Variants in ZDHHC24 observed in about 807,000 individuals in gnomAD.
The protein encoded by ZDHHC24 is probable palmitoyltransferase ZDHHC24.
ZDHHC24 carries 17 observed loss-of-function variants against 23.2 expected under a neutral mutation model. The observed-to-expected ratio is 0.73, with a 90% confidence interval of 0.50 to 1.10. ZDHHC24 has a LOEUF of 1.10. Among genes scored for constraint, ZDHHC24 ranks in the 50% least tolerant of loss-of-function variants. ZDHHC24 has a pLI of 0.00. For missense variants in ZDHHC24, 366 were observed against 393.0 expected (o/e 0.93, Z 0.58); for synonymous variants, 186 against 194.5 (o/e 0.96, Z 0.36).
exon 5 of ZDHHC24, chr11:66,521,177 TTAGAC>T: frequency 1.0e-6 from 1 of 955,208 alleles, no homozygotes; most frequent in Non-Finnish European, 1.7e-6. Flanking sequence ...GATTGGGACT[TTAGAC>T]CAGGCACTCA....
chr11:66,522,571 C>T (rs1374174709), intron 4 of ZDHHC24, among the ~76,000 whole-genome samples: 1 of 152,080 alleles, frequency 6.6e-6, no homozygotes, highest in Non-Finnish European at 1.5e-5. Flanking sequence ...TGGTCTCGAA[C>T]GCCTGACCTT....
intron 4 of ZDHHC24, chr11:66,526,122 G>A (rs766464783): frequency 1.2e-6 from 2 of 1,614,134 alleles, no homozygotes; most frequent in Non-Finnish European, 8.5e-7. Context: ...TCTCCACATA[G>A]GATGCAGTGA....
Position 66,546,041 on chromosome 11 carries a change from C to T in ZDHHC24, c.-38G>A. On this transcript the variant is annotated 5_prime_UTR_variant, in exon 1 of 3. Transcript: ENST00000310442. ...CAGCTGTCGGAGCCGGAGGACTAGG[C>T]CGCTTCCGTATTGGGGCGGAGATAG... The T allele has an allele frequency of 7.3e-7, 1 of 1,370,378 alleles. No homozygotes were observed. Among genetic ancestry groups the T allele is most frequent in the Admixed American group, 3.8e-5 (1 of 26,266 alleles). The allele number at this position is 1,370,378 out of a possible 1,614,324, so 84.9% of individuals were successfully genotyped here.
chr11:66,526,571 G>C (rs1856503462), intron 4 of ZDHHC24: 2 of 1,592,816 alleles, frequency 1.3e-6, no homozygotes, highest in Admixed American at 1.7e-5. Context: ...ATAGGAGGCA[G>C]ATTGTTTGGG....
chr11:66,526,677 G>T (rs750005712), intron 4 of ZDHHC24: 1 of 1,614,218 alleles, frequency 6.2e-7, no homozygotes, highest in East Asian at 2.2e-5. Context: ...AGATCCTGAA[G>T]CGTACAGCAG....
In ZDHHC24 at chr11:66,526,806, C is replaced by A. The variant is rs368302072; in HGVS notation, c.*21+130G>T. 3 of 1,614,220 alleles carry A rather than the reference C, an allele frequency of 1.9e-6. No individual in the cohort carries two copies. In the South Asian group the frequency reaches 3.3e-5, roughly 18 times the overall value. ...CACTGCGAGAGCGGGAGGCTGGCAC[C>A]GGTGAGCCTCAGACTGGGTCCTTTC... is the stretch of plus-strand genomic sequence containing the variant. On this transcript the variant is annotated intron_variant, in intron 4 of 4. Transcript: ENST00000526986.
intron 4 of ZDHHC24, chr11:66,526,051 C>T (rs1856474150): frequency 3.6e-6 from 5 of 1,400,800 alleles, no homozygotes; most frequent in Non-Finnish European, 5.1e-6. Flanking sequence ...TCTGGGGCCT[C>T]CCCTACCCAT....
intron 4 of ZDHHC24, among the ~76,000 whole-genome samples, chr11:66,524,479 A>C (rs1221392450): frequency 6.7e-6 from 1 of 149,610 alleles, no homozygotes; most frequent in Non-Finnish European, 1.5e-5. Flanking sequence ...CTGAGTGACA[A>C]GGGTGGGGGG....
exon 5 of ZDHHC24, chr11:66,521,166 AG>A (rs1398577683): frequency 1.2e-6 from 1 of 851,304 alleles, no homozygotes; most frequent in Non-Finnish European, 2.0e-6. Flanking sequence ...GTAAGTGAGG[AG>A]ATTGGGACTT....
downstream of ZDHHC24, chr11:66,533,271 A>C (rs1856855600): frequency 6.6e-6 from 1 of 152,182 alleles, no homozygotes; most frequent in African/African-American, 2.4e-5. Flanking sequence ...AAAAACACAT[A>C]CCCACTTACT....
rs149866850 is a variant in ZDHHC24 at position 66,539,730 on chromosome 11, C to T, written c.654G>A (p.Gly218=). 3.4e-4 allele frequency: 547 copies of T among 1,613,110 alleles called. 1 individual carries two copies. In the African/African-American group the frequency reaches 6.4e-3, roughly 19 times the overall value. The change falls in exon 3 of 3, where the codon GGG becomes GGA. Residue 218 remains glycine (G), a synonymous_variant. Coordinates refer to ENST00000310442, the MANE Select transcript of ZDHHC24 (RefSeq NM_207340.3). Reference sequence around the variant, plus strand: ...TGGTCTGGCCCCGCAGCAGCAGCATCCCATGGAAGAGCAGCCCAGCCCCGC... The same window carrying T: ...TGGTCTGGCCCCGCAGCAGCAGCATTCCATGGAAGAGCAGCCCAGCCCCGC... The part of the protein sequence containing the change: ...LLCGAGLLFH[G]MLLLRGQTTW...
chr11:66,537,926 C>CA lies in ZDHHC24; in HGVS notation c.*1602dup, dbSNP rs145915582. On this transcript the variant is annotated 3_prime_UTR_variant, in exon 3 of 3. Coordinates refer to ENST00000310442, the MANE Select transcript of ZDHHC24 (RefSeq NM_207340.3). ...CTGGCAACAGAACAAGAGTCTGTCT[C>CA]AAATAAAATAAAATAAAATAAAATA... 1.4e-5 allele frequency: 2 copies of CA among 140,068 alleles called. No individual in the cohort carries two copies. Among genetic ancestry groups the CA allele is most frequent in the Admixed American group, 7.1e-5 (1 of 14,004 alleles). 8.7% of individuals were successfully genotyped at this position (140,068 alleles called of 1,614,324 possible).
At chr11:66,524,071 G>A in intron 4 of ZDHHC24, 1 of 817,460 alleles carries the variant, frequency 1.2e-6, no homozygotes, top group East Asian at 2.7e-5. Context: ...CCTGAGGTAA[G>A]GAGTTCAAAA....
intron 4 of ZDHHC24, among the ~76,000 whole-genome samples, chr11:66,524,552 C>G (rs1482539120): frequency 6.6e-6 from 1 of 152,084 alleles, no homozygotes; most frequent in African/African-American, 2.4e-5. Context: ...TCAACTGGGC[C>G]TCAGAACAGT....
Position 66,545,762 on chromosome 11 carries a change from C to A in ZDHHC24, c.242G>T (p.Gly81Val). 6.3e-7 allele frequency: 1 copy of A among 1,589,996 alleles called. No homozygotes were observed. Among genetic ancestry groups the A allele is most frequent in the Non-Finnish European group, 8.5e-7 (1 of 1,173,512 alleles). The change falls in exon 1 of 3, where the codon GGC (glycine) becomes GTC (valine). Residue 81 changes from glycine to valine, a missense_variant. By Grantham distance (109) the Gly-to-Val change is moderately radical. Transcript: ENST00000310442. The surrounding 1 kb of genome is among the most constrained non-coding windows in gnomAD (Gnocchi z 4.5). ...CAGACCGCGGCCGGCCAGCATCACG[C>A]CACGGATGCTGGGATCCGAGCGCAG... is the stretch of plus-strand genomic sequence containing the variant. ...LFLRSDPSIRGVMLAGRGLGQ... is the reference protein window; with the variant it reads ...LFLRSDPSIRVVMLAGRGLGQ...
intron 3 of ZDHHC24, chr11:66,527,814 G>A (rs1482280676): frequency 6.6e-6 from 1 of 152,296 alleles, no homozygotes; most frequent in African/African-American, 2.4e-5. Flanking sequence ...ACTTCTGCCT[G>A]GGAAGCTTGG....
At chr11:66,534,240 C>T (rs10444360), downstream of ZDHHC24, among the ~76,000 whole-genome samples, 774 of 145,248 alleles carry the variant, frequency 5.3e-3, 3 homozygotes, top group Non-Finnish European at 7.7e-3. Context: ...GCCAGGAGTT[C>T]GAGACCAGCC....
chr11:66,539,467 T>C lies in ZDHHC24; in HGVS notation c.*62A>G. The C allele has an allele frequency of 6.8e-7, 1 of 1,469,874 alleles. No individual in the cohort carries two copies. Among genetic ancestry groups the C allele is most frequent in the Non-Finnish European group, 9.0e-7 (1 of 1,112,704 alleles). 91.1% of individuals were successfully genotyped at this position (1,469,874 alleles called of 1,614,324 possible). A position where few individuals can be genotyped will look rare whatever the true frequency, so the allele number is the denominator to read the frequency against. On this transcript the variant is annotated 3_prime_UTR_variant, in exon 3 of 3. Transcript: ENST00000310442. ...GGTCCAACCCGACTTCCTTACTGAG[T>C]CTAGGTGTGGGGGCCCCCCTCTCAC... is the stretch of plus-strand genomic sequence containing the variant.
chr11:66,539,788 A>G lies in ZDHHC24; in HGVS notation c.596T>C (p.Val199Ala). The stretch of plus-strand genomic sequence containing the variant: ...CGCACCCGCCACGCACGTGTCCGTC[A>G]CGAAGGCCAAGGCAAACTGTGCCAG... Reference protein sequence around the residue: ...VSLAQFALAFVTDTCVAGALL... With the variant: ...VSLAQFALAFATDTCVAGALL... The change falls in exon 3 of 3, where the codon GTG (valine) becomes GCG (alanine). Residue 199 changes from valine (V) to alanine (A), a missense_variant. Val to Ala is a moderately conservative substitution (Grantham distance 64). Coordinates refer to ENST00000310442, the MANE Select transcript of ZDHHC24 (RefSeq NM_207340.3). The G allele has an allele frequency of 6.2e-7, 1 of 1,611,612 alleles. No homozygotes were observed. Among genetic ancestry groups the G allele is most frequent in the Non-Finnish European group, 8.5e-7 (1 of 1,178,984 alleles).
Sources: allele counts gnomAD v4.1 joint callset (sites outside exome capture counted in the v4.1 genomes callset), GRCh38; gene constraint gnomAD v4.1.1; non-coding constraint Gnocchi (gnomAD v3.1); transcripts MANE v1.5; gene names NCBI Gene and HGNC (gene_info 2026-07-23, HGNC 2026-07-21).